The following KIF18A variants were observed in gnomAD, a reference collection of about 807,000 sequenced individuals.
The protein encoded by KIF18A is kinesin family member 18A, also known as kinesin-like protein KIF18A.
A neutral mutation model predicts 103.3 loss-of-function variants in KIF18A; 67 were observed. That is an observed-to-expected ratio of 0.65 (90% CI 0.53 to 0.79). The LOEUF (loss-of-function observed/expected upper bound fraction) is 0.79, where lower values mean the gene tolerates loss of function less well. KIF18A is among the 30% of genes least tolerant of loss of function. The probability of loss-of-function intolerance (pLI) is 0.00; values close to 1 mark genes in which losing one functional copy is unlikely to be tolerated. For missense variants in KIF18A, 1,032 were observed against 1,062.5 expected (o/e 0.97, Z 0.40); for synonymous variants, 367 against 355.5 (o/e 1.03, Z -0.36).
At chr11:28,083,780 G>C (rs1851194864) in intron 7 of KIF18A, among the ~76,000 whole-genome samples, 1 of 152,204 alleles carries the variant, frequency 6.6e-6, no homozygotes, top group East Asian at 1.9e-4. Flanking sequence ...TCCTCAAGGG[G>C]CTAGTGTAAG....
At position 28,035,490 on chromosome 11, in the gene KIF18A, C is replaced by T; in HGVS notation, c.2401G>A (p.Asp801Asn). The change falls in exon 15 of 17, where the codon GAT becomes AAT. Residue 801 changes from aspartate to asparagine, a missense_variant. Physicochemically the swap from Asp to Asn is conservative, Grantham distance 23. Transcript: ENST00000263181. ...NDNKDILQRL[D>N]PSSFSTKHSM... is the part of the protein sequence containing the mutation. ...TGCTTAGTTGAGAATGAAGAAGGATCAAGCCTGTATATTAATAGTGACAAA... is the reference window on the plus strand; with the variant it reads ...TGCTTAGTTGAGAATGAAGAAGGATTAAGCCTGTATATTAATAGTGACAAA... 6.4e-7 allele frequency: 1 copy of T among 1,571,310 alleles called. No individual in the cohort carries two copies. Among genetic ancestry groups the T allele is most frequent in the Non-Finnish European group, 8.7e-7 (1 of 1,152,998 alleles).
intron 13 of KIF18A, among the ~76,000 whole-genome samples, chr11:28,054,006 A>C (rs1427627003): frequency 1.3e-5 from 2 of 151,788 alleles, no homozygotes; most frequent in Non-Finnish European, 2.9e-5. Flanking sequence ...TTGGCAATAT[A>C]TATTTCAAAT....
rs12293335 is a variant in KIF18A at position 28,055,739 on chromosome 11, T to C, written c.1948+3187A>G. 9.0e-3 allele frequency among the ~76,000 whole-genome samples: 1,374 copies of C among 152,234 alleles called. 23 individuals carry two copies. Among genetic ancestry groups the C allele is most frequent in the African/African-American group, 0.031 (1,291 of 41,532 alleles). On this transcript the variant is annotated intron_variant, in intron 13 of 16. Coordinates refer to ENST00000263181, the MANE Select transcript of KIF18A (RefSeq NM_031217.4). ...TAAATATTCTCTGAGATATTTAATA[T>C]CATGATCAGATGCATCAAAATATTC...
intron 10 of KIF18A, chr11:28,076,797 A>G (rs1851096486): frequency 3.5e-6 from 1 of 285,720 alleles, no homozygotes. Context: ...AGCTGGGCGT[A>G]GTGGTGCACG....
At chr11:28,058,662 C>CAAAAAAAAAAAAAAAAAAAAA (rs58273868) in intron 13 of KIF18A, among the ~76,000 whole-genome samples, 4 of 64,438 alleles carry the variant, frequency 6.2e-5, no homozygotes, top group African/African-American at 2.2e-4. Context: ...ACCCTGTCAC[C>CAAAAAAAAAAAAAAAAAAAAA]AAAAAAAAAA....
At chr11:28,084,545 C>A in intron 7 of KIF18A, 87 bp downstream of exon 7, 1 of 1,140,154 alleles carries the variant, frequency 8.8e-7, no homozygotes, top group Non-Finnish European at 1.2e-6. Flanking sequence ...TATGTAGAAA[C>A]ATAACCTGAA....
chr11:28,052,423 T>C (rs1420784593), intron 13 of KIF18A, among the ~76,000 whole-genome samples: 6 of 152,106 alleles, frequency 3.9e-5, no homozygotes, highest in Admixed American at 3.9e-4. Flanking sequence ...ACCAGTTATA[T>C]ATCCTCACCA....
chr11:28,029,028 C>A (rs1277250992), intron 15 of KIF18A, among the ~76,000 whole-genome samples: 3 of 152,076 alleles, frequency 2.0e-5, no homozygotes, highest in Non-Finnish European at 2.9e-5. Context: ...GAAATTGAGG[C>A]AATAATTAAT....
chr11:28,057,567 G>A (rs772608251), intron 13 of KIF18A, among the ~76,000 whole-genome samples: 2 of 151,826 alleles, frequency 1.3e-5, no homozygotes, highest in Non-Finnish European at 2.9e-5. Flanking sequence ...CATTATTATT[G>A]CTGTTGTTAC....
At chr11:28,099,186 C>T (rs1019549043) in intron 1 of KIF18A, among the ~76,000 whole-genome samples, 2 of 151,992 alleles carry the variant, frequency 1.3e-5, no homozygotes, top group Admixed American at 6.6e-5. Context: ...TCATTTATGA[C>T]GACATGAATG....
At chr11:28,039,090 C>T (rs1191043885) in intron 13 of KIF18A, among the ~76,000 whole-genome samples, 1 of 151,610 alleles carries the variant, frequency 6.6e-6, no homozygotes, top group Non-Finnish European at 1.5e-5. Context: ...CCTTGGGCAA[C>T]TCACTTAAGC....
intron 16 of KIF18A, among the ~76,000 whole-genome samples, chr11:28,022,268 GTT>G (rs200643729): frequency 2.1e-5 from 3 of 142,722 alleles, no homozygotes; most frequent in Admixed American, 7.1e-5. Context: ...TATGATTTGA[GTT>G]TTTTTTTTTT....
intron 11 of KIF18A, 34 bp downstream of exon 11, chr11:28,069,225 C>T: frequency 6.4e-7 from 1 of 1,564,934 alleles, no homozygotes; most frequent in Non-Finnish European, 8.8e-7. Flanking sequence ...TCAGTTCCTA[C>T]AAATTAAATC....
At chr11:28,054,014 A>G (rs755375588) in intron 13 of KIF18A, among the ~76,000 whole-genome samples, 1 of 152,032 alleles carries the variant, frequency 6.6e-6, no homozygotes, top group East Asian at 1.9e-4. Context: ...ATATATTTCA[A>G]ATTTTGCATA....
rs1360039231 is a variant in KIF18A, at chr11:28,077,056, T to C, written c.1376A>G (p.Gln459Arg). Residue 459 changes from glutamine to arginine, a missense_variant, in exon 10 of 17, where the codon CAG becomes CGG. Coordinates refer to ENST00000263181, the MANE Select transcript of KIF18A (RefSeq NM_031217.4). ...CATCATTTCTATTTGTTTATGGCAC[T>C]GTTGTTGGTAGAATGATTTAAGTTC... is the stretch of plus-strand genomic sequence containing the variant. ...ENELKSFYQQQCHKQIEMMCS... is the reference protein window; with the variant it reads ...ENELKSFYQQRCHKQIEMMCS... The C allele has an allele frequency of 6.3e-7, 1 of 1,575,614 alleles. No individual in the cohort carries two copies. Among genetic ancestry groups the C allele is most frequent in the Non-Finnish European group, 8.6e-7 (1 of 1,162,610 alleles).
chr11:28,036,500 A>G lies in KIF18A; in HGVS notation c.2113T>C (p.Tyr705His). 1 of 1,611,378 alleles carries G rather than the reference A, an allele frequency of 6.2e-7. No individual in the cohort carries two copies. The highest frequency in any genetic ancestry group is 1.7e-4 in the Middle Eastern group (1 of 6,040). ...SLSKELQPIV[Y>H]TPEDCRKAFQ... The stretch of plus-strand genomic sequence containing the variant: ...GCTTTTCTACAGTCTTCTGGTGTAT[A>G]TACAATAGGCTGAAGTTCTTTGCTA... The change falls in exon 14 of 17, where the codon TAT becomes CAT. Residue 705 changes from tyrosine to histidine, a missense_variant. Tyr to His is a moderately conservative substitution (Grantham distance 83, BLOSUM62 2). Coordinates refer to ENST00000263181, the MANE Select transcript of KIF18A (RefSeq NM_031217.4).
At chr11:28,091,123 A>AAAATAAATAAAT (rs71050943) in intron 4 of KIF18A, among the ~76,000 whole-genome samples, 3 of 147,342 alleles carry the variant, frequency 2.0e-5, no homozygotes, top group South Asian at 4.4e-4. Flanking sequence ...GCCCGGTCAC[A>AAAATAAATAAAT]AAATAAATAA....
chr11:28,041,476 G>GT (rs1285500041), intron 13 of KIF18A, among the ~76,000 whole-genome samples: 38 of 151,828 alleles, frequency 2.5e-4, no homozygotes, highest in African/African-American at 9.2e-4. Flanking sequence ...TTGAAGTGCT[G>GT]TGAGTTAGAG....
chr11:28,047,681 T>C (rs1850655117), intron 13 of KIF18A, among the ~76,000 whole-genome samples: 1 of 152,112 alleles, frequency 6.6e-6, no homozygotes, highest in South Asian at 2.1e-4. Flanking sequence ...TAAAAAGTAA[T>C]GCAAGTAATA....
Sources: allele counts gnomAD v4.1 joint callset (sites outside exome capture counted in the v4.1 genomes callset), GRCh38; gene constraint gnomAD v4.1.1; transcripts MANE v1.5; gene names NCBI Gene and HGNC (gene_info 2026-07-23, HGNC 2026-07-21).